Variants in SUMF1 observed in about 807,000 individuals in gnomAD.
The protein encoded by SUMF1 is formylglycine-generating enzyme.
Under a neutral mutation model 47.6 loss-of-function variants are expected in SUMF1, and 48 were observed. That is an observed-to-expected ratio of 1.01 (90% CI 0.80 to 1.28). The LOEUF (loss-of-function observed/expected upper bound fraction) is 1.28. Ranked by LOEUF, SUMF1 falls within the 50% of genes most tolerant of loss-of-function variation. The pLI is 0.00. For missense variants in SUMF1, 571 were observed against 485.4 expected, an observed-to-expected ratio of 1.18 and a Z score of -1.66; for synonymous variants, 230 against 192.1, an observed-to-expected ratio of 1.20 and a Z score of -1.63.
chr3:4,062,068 A>G lies in SUMF1; in HGVS notation c.1191+6501T>C, dbSNP rs2251048. Among the ~76,000 whole-genome samples, 28 of 152,078 alleles carry G rather than the reference A, an allele frequency of 1.8e-4. 2 individuals carry two copies. Among genetic ancestry groups the G allele is most frequent in the African/African-American group, 6.0e-4 (25 of 41,466 alleles). ...TCTCCTACACCTCAGCCTGAACAGC[A>G]CCCCCTTCCTCATAGCACCCTTACC... On this transcript the variant is annotated intron_variant and NMD_transcript_variant, in intron 9 of 12. Coordinates refer to the SUMF1 transcript ENST00000448413.
At chr3:4,076,450 T>A (rs549732745) in intron 8 of SUMF1, among the ~76,000 whole-genome samples, 42 of 152,174 alleles carry the variant, frequency 2.8e-4, no homozygotes, top group Admixed American at 7.2e-4. Flanking sequence ...ACTTCATGAA[T>A]ACAATACCAA....
At chr3:4,388,561 T>C (rs796493596) in intron 7 of SUMF1, among the ~76,000 whole-genome samples, 61 of 152,230 alleles carry the variant, frequency 4.0e-4, no homozygotes, top group African/African-American at 1.4e-3. Flanking sequence ...ACTTTTAATA[T>C]AATTATTGGT....
chr3:4,300,950 C>G (rs1021541991), intron 8 of SUMF1, among the ~76,000 whole-genome samples: 1 of 151,994 alleles, frequency 6.6e-6, no homozygotes, highest in African/African-American at 2.4e-5. Flanking sequence ...TATAAATGTA[C>G]CAAAATCATT....
At chr3:4,286,724 T>C (rs1453704795) in intron 8 of SUMF1, among the ~76,000 whole-genome samples, 3 of 152,128 alleles carry the variant, frequency 2.0e-5, no homozygotes, top group Non-Finnish European at 4.4e-5. Flanking sequence ...TCAGTGTCAA[T>C]AAGGCAAATG....
chr3:4,056,649 A>T (rs1465266617), intron 9 of SUMF1, among the ~76,000 whole-genome samples: 3 of 152,126 alleles, frequency 2.0e-5, no homozygotes, highest in Non-Finnish European at 2.9e-5. Context: ...ACAGAGTGAG[A>T]CGTCTCTAAA....
At chr3:4,149,420 C>G (rs1248638430) in intron 8 of SUMF1, among the ~76,000 whole-genome samples, 1 of 152,074 alleles carries the variant, frequency 6.6e-6, no homozygotes, top group Non-Finnish European at 1.5e-5. Flanking sequence ...TGCCAGTATA[C>G]CTAGCCCAGC....
rs1279305543 is a variant in SUMF1 at position 4,182,348 on chromosome 3, GC to G, written c.1015-113604del. On this transcript the variant is annotated intron_variant and NMD_transcript_variant, in intron 8 of 12. Transcript: ENST00000448413. Reference sequence around the variant, plus strand: ...AGAGCACTGTAAACCAGTAATCTGTGCATGATAAATCCAACTTCCAAGTTAT... The same window carrying G: ...AGAGCACTGTAAACCAGTAATCTGTGATGATAAATCCAACTTCCAAGTTAT... Among the ~76,000 whole-genome samples the G allele has an allele frequency of 1.9e-4, 28 of 150,904 alleles. 1 individual carries two copies. Among genetic ancestry groups the G allele is most frequent in the African/African-American group, 6.8e-4 (28 of 41,296 alleles).
intron 9 of SUMF1, among the ~76,000 whole-genome samples, chr3:4,034,498 T>C (rs1694757237): frequency 6.6e-6 from 1 of 152,154 alleles, no homozygotes; most frequent in African/African-American, 2.4e-5. Flanking sequence ...GCCTCAAAAT[T>C]ACTTGTGTTG....
chr3:4,243,913 A>C (rs1376294571), intron 8 of SUMF1, among the ~76,000 whole-genome samples: 2 of 152,114 alleles, frequency 1.3e-5, no homozygotes, highest in Non-Finnish European at 2.9e-5. Context: ...GTAGGTCTCT[A>C]AGACCTTGCT....
chr3:4,206,802 C>G (rs1695662570), intron 8 of SUMF1, among the ~76,000 whole-genome samples: 3 of 151,928 alleles, frequency 2.0e-5, no homozygotes, highest in Admixed American at 6.6e-5. Flanking sequence ...TCCACCTCTC[C>G]CCCATTCTTT....
chr3:4,212,987 T>C (rs1318493792), intron 8 of SUMF1, among the ~76,000 whole-genome samples: 1 of 152,276 alleles, frequency 6.6e-6, no homozygotes, highest in East Asian at 1.9e-4. Context: ...GAAAACACTC[T>C]TCAGGATATT....
chr3:4,432,022 A>G (rs926088983), intron 3 of SUMF1, among the ~76,000 whole-genome samples: 17 of 151,948 alleles, frequency 1.1e-4, no homozygotes. Flanking sequence ...CTAAACTGAA[A>G]TCTGTCTCCT....
chr3:4,048,659 C>T (rs1344908349), intron 9 of SUMF1, among the ~76,000 whole-genome samples: 1 of 152,070 alleles, frequency 6.6e-6, no homozygotes, highest in Non-Finnish European at 1.5e-5. Flanking sequence ...ACTCCATGTA[C>T]AAATGACCAT....
chr3:4,313,076 CA>C lies in SUMF1; in HGVS notation c.1014+63253del, dbSNP rs751273952. The C allele has an allele frequency of 2.5e-6, 4 of 1,613,804 alleles. No homozygotes were observed. The African/African-American group carries it at 5.3e-5, about 22-fold the overall frequency. ...GATATAGGATCTGGAGGAAAGTATG[CA>C]GAGCCTGTTTTTGAATGCAATGTCC... On this transcript the variant is annotated intron_variant and NMD_transcript_variant, in intron 8 of 12. Transcript: ENST00000448413.
In SUMF1 at chr3:4,361,877, AGGGTT is replaced by A. The variant is rs1341069181; in HGVS notation, c.*262_*266del. ...ACGCGGGCCTCCTGAAGCCTAGCTC[AGGGTT>A]CCCTCCACTCCCCTTCCTCTTTAAA... On this transcript the variant is annotated 3_prime_UTR_variant, in exon 9 of 9. Transcript: ENST00000272902. 3 of 445,876 alleles carry A rather than the reference AGGGTT, an allele frequency of 6.7e-6. No homozygotes were observed. Among genetic ancestry groups the A allele is most frequent in the Non-Finnish European group, 1.3e-5 (3 of 239,750 alleles). The allele number at this position is 445,876 out of a possible 1,614,324, so 27.6% of individuals were successfully genotyped here. A position where few individuals can be genotyped will look rare whatever the true frequency, so the allele number is the denominator to read the frequency against.
At chr3:4,175,047 G>A (rs1370189771) in intron 8 of SUMF1, among the ~76,000 whole-genome samples, 1 of 152,182 alleles carries the variant, frequency 6.6e-6, no homozygotes, top group Non-Finnish European at 1.5e-5. Context: ...AAACTGGGTG[G>A]GACCCACCAC....
chr3:4,160,840 G>A (rs1397232639), intron 8 of SUMF1, among the ~76,000 whole-genome samples: 2 of 152,060 alleles, frequency 1.3e-5, no homozygotes, highest in Admixed American at 6.5e-5. Flanking sequence ...TATTTAGTTT[G>A]TTTGGTGAGG....
At chr3:4,352,505 G>A (rs1362940391) in intron 8 of SUMF1, among the ~76,000 whole-genome samples, 1 of 152,042 alleles carries the variant, frequency 6.6e-6, no homozygotes, top group African/African-American at 2.4e-5. Flanking sequence ...TTATAATACA[G>A]CCACCATCTG....
At chr3:4,094,763 CTTATAG>C (rs745676092) in intron 8 of SUMF1, among the ~76,000 whole-genome samples, 1 of 152,046 alleles carries the variant, frequency 6.6e-6, no homozygotes, top group Non-Finnish European at 1.5e-5. Flanking sequence ...TAATGTAATA[CTTATAG>C]TTAGGGAAGT....
Sources: allele counts gnomAD v4.1 joint callset (sites outside exome capture counted in the v4.1 genomes callset), GRCh38; gene constraint gnomAD v4.1.1; transcripts MANE v1.5; gene names NCBI Gene and HGNC (gene_info 2026-07-23, HGNC 2026-07-21).